The following CPPED1 variants were observed in gnomAD, a reference collection of about 807,000 sequenced individuals.
The protein encoded by CPPED1 is calcineurin like phosphoesterase domain containing 1.
A neutral mutation model predicts 28.0 loss-of-function variants in CPPED1; 28 were observed. The observed-to-expected ratio is 1.00, with a 90% CI of 0.74 to 1.37. The LOEUF (loss-of-function observed/expected upper bound fraction) is 1.37, where lower values mean the gene tolerates loss of function less well. Among genes scored for constraint, CPPED1 ranks in the 40% most tolerant of loss-of-function variants. The probability of loss-of-function intolerance (pLI) is 0.00; values close to 1 mark genes in which losing one functional copy is unlikely to be tolerated. For synonymous variants in CPPED1, 198 were observed against 180.2 expected, an observed-to-expected ratio of 1.10 and a Z score of -0.79; for missense variants, 504 against 416.5, an observed-to-expected ratio of 1.21 and a Z score of -1.83.
At chr16:12,799,419 T>A (rs998327567) in intron 1 of CPPED1, among the ~76,000 whole-genome samples, 9 of 152,182 alleles carry the variant, frequency 5.9e-5, no homozygotes, top group South Asian at 2.1e-4. Flanking sequence ...CTAATTTTTT[T>A]AATTTTAGTA....
In CPPED1 at chr16:12,781,282, C is replaced by A. The variant is rs767908938; in HGVS notation, c.192G>T (p.Glu64Asp). The A allele has an allele frequency of 2.5e-6, 4 of 1,614,010 alleles. No individual in the cohort carries two copies. The highest frequency in any genetic ancestry group is 3.4e-6 in the Non-Finnish European group (4 of 1,180,030). Residue 64 changes from glutamate (E) to aspartate (D), a missense_variant, in exon 2 of 4, where the codon GAG becomes GAT. Glu to Asp is a conservative substitution (Grantham distance 45). Transcript: ENST00000381774. Reference sequence around the variant, plus strand: ...GGACGGCTTGCTCAGTTAGACGGATCTCCTGTTCCCATTCGTCACCGCCAT... The same window carrying A: ...GGACGGCTTGCTCAGTTAGACGGATATCCTGTTCCCATTCGTCACCGCCAT... ...CDNGGDEWEQEIRLTEQAVQA... is the reference protein window; with the variant it reads ...CDNGGDEWEQDIRLTEQAVQA...
chr16:12,798,675 A>G (rs1012957203), intron 1 of CPPED1, among the ~76,000 whole-genome samples: 5 of 152,224 alleles, frequency 3.3e-5, no homozygotes, highest in Admixed American at 1.3e-4. Context: ...ATCAAACTGG[A>G]AAAACAGATT....
At chr16:12,754,770 G>A (rs747186382) in intron 2 of CPPED1, among the ~76,000 whole-genome samples, 12 of 152,178 alleles carry the variant, frequency 7.9e-5, no homozygotes, top group Admixed American at 2.0e-4. Context: ...AGGCCAAGGC[G>A]GGAGGATCAC....
At position 12,698,285 on chromosome 16, in the gene CPPED1, AAGG is replaced by A. The variant is rs2080002627; in HGVS notation, c.715+6336_715+6338del. Among the ~76,000 whole-genome samples, 3 of 152,176 alleles carry A rather than the reference AAGG, an allele frequency of 2.0e-5. No homozygotes were observed. The South Asian group carries it at 6.2e-4, about 32-fold the overall frequency. On this transcript the variant is annotated intron_variant, in intron 3 of 3. Coordinates refer to ENST00000381774, the MANE Select transcript of CPPED1 (RefSeq NM_018340.3). The stretch of plus-strand genomic sequence containing the variant: ...AGGGGCTGGCCTTACAGAGGTGAAT[AAGG>A]CTGGGCTTCTGTTTCCTGGAGGAAT...
chr16:12,698,858 G>C (rs1386128010), intron 3 of CPPED1, among the ~76,000 whole-genome samples: 1 of 152,230 alleles, frequency 6.6e-6, no homozygotes, highest in Middle Eastern at 3.4e-3. Flanking sequence ...ACTTTTGCGG[G>C]GAAGATCAAC....
chr16:12,707,653 C>T (rs149727435), intron 2 of CPPED1, among the ~76,000 whole-genome samples: 5 of 152,256 alleles, frequency 3.3e-5, no homozygotes, highest in African/African-American at 9.6e-5. Flanking sequence ...TAAGAAGGGG[C>T]AGTTCAAAAG....
rs539940316 is a variant in CPPED1, at chr16:12,770,715, G to A, written c.289+10470C>T. On this transcript the variant is annotated intron_variant, in intron 2 of 3. Transcript: ENST00000381774. The stretch of plus-strand genomic sequence containing the variant: ...CACACACCTGTAGTCCCAGCTACTC[G>A]GGAGACTGAGGCAGGAGAATCGCTT... Among the ~76,000 whole-genome samples the A allele has an allele frequency of 3.9e-3, 592 of 152,140 alleles. 3 individuals are homozygous for A. Among genetic ancestry groups the A allele is most frequent in the African/African-American group, 9.2e-3 (382 of 41,518 alleles).
chr16:12,780,686 C>T (rs2080525015), intron 2 of CPPED1, among the ~76,000 whole-genome samples: 1 of 151,192 alleles, frequency 6.6e-6, no homozygotes, highest in Non-Finnish European at 1.5e-5. Flanking sequence ...ACCTGCAACC[C>T]AGGTCTGCTC....
chr16:12,784,472 C>T (rs73508449), intron 1 of CPPED1, among the ~76,000 whole-genome samples: 18,092 of 151,176 alleles, frequency 0.12, 1,226 homozygotes, highest in African/African-American at 0.18. Flanking sequence ...TACACAGTAA[C>T]AGATCCCTAC....
chr16:12,761,836 C>G (rs977597607), intron 2 of CPPED1, among the ~76,000 whole-genome samples: 5 of 152,032 alleles, frequency 3.3e-5, no homozygotes, highest in Non-Finnish European at 5.9e-5. Context: ...CATGGCAAAA[C>G]CTTACCTCTA....
At chr16:12,756,972 G>A (rs924210164) in intron 2 of CPPED1, among the ~76,000 whole-genome samples, 1 of 152,058 alleles carries the variant, frequency 6.6e-6, no homozygotes, top group African/African-American at 2.4e-5. Context: ...ATTCAATCCC[G>A]TGAAAAAACG....
intron 2 of CPPED1, among the ~76,000 whole-genome samples, chr16:12,772,098 G>A (rs2080473528): frequency 6.6e-6 from 1 of 152,062 alleles, no homozygotes; most frequent in African/African-American, 2.4e-5. Context: ...ACTCCAGCCT[G>A]GGCAACAGAA....
At chr16:12,763,953 A>C (rs1464960255) in intron 2 of CPPED1, among the ~76,000 whole-genome samples, 6 of 152,176 alleles carry the variant, frequency 3.9e-5, no homozygotes, top group African/African-American at 1.4e-4. Flanking sequence ...AAGTGAAACA[A>C]ATCTGCATAT....
intron 1 of CPPED1, among the ~76,000 whole-genome samples, chr16:12,798,202 G>A (rs2080638717): frequency 6.6e-6 from 1 of 152,188 alleles, no homozygotes; most frequent in Non-Finnish European, 1.5e-5. Context: ...TTACATATGT[G>A]TGCTGGTCAC....
At chr16:12,780,675 T>C (rs919425953) in intron 2 of CPPED1, among the ~76,000 whole-genome samples, 3 of 150,930 alleles carry the variant, frequency 2.0e-5, no homozygotes, top group Non-Finnish European at 2.9e-5. Flanking sequence ...GATCCAGCTG[T>C]ACCTGCAACC....
At chr16:12,703,904 T>C (rs1285136078) in intron 3 of CPPED1, among the ~76,000 whole-genome samples, 2 of 152,142 alleles carry the variant, frequency 1.3e-5, no homozygotes, top group Admixed American at 1.3e-4. Flanking sequence ...AATTGAGGTG[T>C]GACCTCCAGA....
intron 3 of CPPED1, among the ~76,000 whole-genome samples, chr16:12,686,197 T>C (rs1239791007): frequency 1.3e-5 from 2 of 152,006 alleles, no homozygotes; most frequent in East Asian, 1.9e-4. Flanking sequence ...CAGTAATCCA[T>C]TTGTTTTGAA....
intron 1 of CPPED1, among the ~76,000 whole-genome samples, chr16:12,797,369 A>G (rs2865893): frequency 0.33 from 49,437 of 151,926 alleles, 11,243 homozygotes; most frequent in African/African-American, 0.64. Context: ...TGAGTGACAC[A>G]GCGAAACTGT....
At chr16:12,685,215 C>T (rs916889791) in intron 3 of CPPED1, among the ~76,000 whole-genome samples, 1 of 152,220 alleles carries the variant, frequency 6.6e-6, no homozygotes, top group Non-Finnish European at 1.5e-5. Flanking sequence ...CTTTGGGAGG[C>T]TGAGTGGACA....
Sources: gnomAD v4.1 joint callset for allele counts (sites outside exome capture counted in the v4.1 genomes callset) on GRCh38, gnomAD v4.1.1 for gene constraint, MANE v1.5 for transcripts, NCBI Gene and HGNC (gene_info 2026-07-23, HGNC 2026-07-21) for gene names.